Variants in VWA8 observed in about 807,000 individuals in gnomAD.
The protein encoded by VWA8 is von Willebrand factor A domain-containing protein 8.
VWA8 carries 221 observed loss-of-function variants against 241.5 expected under a neutral mutation model. The ratio of observed to expected loss-of-function variants is 0.91; its 90% CI spans 0.82 to 1.02. The LOEUF (loss-of-function observed/expected upper bound fraction) is 1.02. Ranked by LOEUF, VWA8 falls within the 50% of genes least tolerant of loss-of-function variation. The probability of loss-of-function intolerance (pLI) is 0.00; values close to 1 mark genes in which losing one functional copy is unlikely to be tolerated. For missense variants in VWA8, 2,322 were observed against 2,328.7 expected (o/e 1.00, Z 0.06); for synonymous variants, 852 against 827.1 (o/e 1.03, Z -0.52).
intron 37 of VWA8, among the ~76,000 whole-genome samples, chr13:41,616,655 A>C (rs1028661545): frequency 1.3e-5 from 2 of 152,220 alleles, no homozygotes; most frequent in Non-Finnish European, 1.5e-5. Flanking sequence ...GTTGATGAAA[A>C]TGTTTATATT....
chr13:41,575,711 A>G (rs745381379), intron 43 of VWA8, 29 bp downstream of exon 43: 75 of 1,530,094 alleles, frequency 4.9e-5, no homozygotes, highest in Non-Finnish European at 6.4e-5. Flanking sequence ...AGAAGCTTTC[A>G]TAATACAGAG....
At chr13:41,853,521 TG>T (rs1325848271) in intron 12 of VWA8, among the ~76,000 whole-genome samples, 1 of 152,192 alleles carries the variant, frequency 6.6e-6, no homozygotes, top group East Asian at 1.9e-4. Flanking sequence ...TTTTCTCTGG[TG>T]GCAGGTTTTT....
chr13:41,945,155 C>T (rs1877793289), intron 2 of VWA8, among the ~76,000 whole-genome samples: 2 of 152,072 alleles, frequency 1.3e-5, no homozygotes, highest in African/African-American at 4.8e-5. Context: ...AGACTCTCAG[C>T]AAAAGCCAAG....
intron 4 of VWA8, among the ~76,000 whole-genome samples, chr13:41,899,472 TTAAA>T: frequency 6.6e-6 from 1 of 152,220 alleles, no homozygotes; most frequent in South Asian, 2.1e-4. Context: ...AAACTAAACT[TTAAA>T]AATATAAATA....
At chr13:41,924,182 C>T (rs1212664524) in intron 2 of VWA8, among the ~76,000 whole-genome samples, 2 of 151,806 alleles carry the variant, frequency 1.3e-5, no homozygotes, top group East Asian at 3.9e-4. Context: ...AATTTATAAC[C>T]TCAGAGATTC....
intron 9 of VWA8, among the ~76,000 whole-genome samples, chr13:41,881,576 G>T (rs1304521775): frequency 6.7e-6 from 1 of 149,806 alleles, no homozygotes; most frequent in East Asian, 2.0e-4. Context: ...ATGAGCTGTT[G>T]GGTACACCTC....
chr13:41,681,082 C>A (rs926806055), intron 35 of VWA8, among the ~76,000 whole-genome samples: 6 of 152,214 alleles, frequency 3.9e-5, no homozygotes, highest in Admixed American at 6.5e-5. Context: ...CCCTTGATAT[C>A]TGATTGGGTT....
At chr13:41,700,584 CTCTT>C (rs2045243059) in intron 28 of VWA8, among the ~76,000 whole-genome samples, 1 of 152,164 alleles carries the variant, frequency 6.6e-6, no homozygotes, top group Non-Finnish European at 1.5e-5. Flanking sequence ...ACTTAATAAA[CTCTT>C]TAACTGTTTT....
chr13:41,717,963 C>G (rs984163903), intron 26 of VWA8, among the ~76,000 whole-genome samples: 4 of 151,954 alleles, frequency 2.6e-5, no homozygotes, highest in African/African-American at 9.7e-5. Flanking sequence ...AATTAACTTG[C>G]CATAGCAATA....
intron 27 of VWA8, among the ~76,000 whole-genome samples, chr13:41,701,985 T>C (rs2045253264): frequency 6.6e-6 from 1 of 152,214 alleles, no homozygotes; most frequent in Non-Finnish European, 1.5e-5. Context: ...GTATTTTAAA[T>C]TAAATGCAAA....
chr13:41,837,035 T>TGATAGATAGATAGATA (rs67765155), intron 12 of VWA8, among the ~76,000 whole-genome samples: 177 of 148,692 alleles, frequency 1.2e-3, no homozygotes, highest in Admixed American at 2.0e-3. Context: ...TGCAGATAGA[T>TGATAGATAGATAGATA]GATAGATAGA....
chr13:41,660,025 T>A (rs2044938030), intron 37 of VWA8, among the ~76,000 whole-genome samples: 1 of 152,250 alleles, frequency 6.6e-6, no homozygotes, highest in Non-Finnish European at 1.5e-5. Flanking sequence ...TAAAAAATGA[T>A]ATTGATATAG....
intron 29 of VWA8, among the ~76,000 whole-genome samples, chr13:41,697,291 C>A (rs1022836333): frequency 2.6e-5 from 4 of 152,170 alleles, no homozygotes; most frequent in Non-Finnish European, 4.4e-5. Flanking sequence ...AACTAGTTTC[C>A]CTCATTGTGC....
At chr13:41,571,897 A>G (rs2044308077) in intron 43 of VWA8, among the ~76,000 whole-genome samples, 1 of 151,064 alleles carries the variant, frequency 6.6e-6, no homozygotes, top group African/African-American at 2.4e-5. Context: ...CTGTCTAGGA[A>G]GTGAGGAGTG....
intron 42 of VWA8, among the ~76,000 whole-genome samples, chr13:41,578,399 C>T (rs1166718844): frequency 3.9e-5 from 6 of 152,060 alleles, no homozygotes; most frequent in African/African-American, 1.4e-4. Flanking sequence ...AAATGTGGAC[C>T]ATTCCCTGGC....
chr13:41,864,583 G>T (rs1873201031), intron 12 of VWA8: 1 of 438,730 alleles, frequency 2.3e-6, no homozygotes, highest in African/African-American at 2.0e-5. Flanking sequence ...AGACAAGAAG[G>T]ACAAAAATTA....
Position 41,719,661 on chromosome 13 carries a change from A to G in VWA8, c.3046T>C (p.Leu1016=), listed in dbSNP as rs773436030. ...CCGTATTTGTGTAAAGTGTTAATCAATATCTCCCTCATGTCATTGTTGTAG... is the reference window on the plus strand; with the variant it reads ...CCGTATTTGTGTAAAGTGTTAATCAGTATCTCCCTCATGTCATTGTTGTAG... ...DSYNNDMREI[L]INTLHKYGIP... Residue 1016 remains leucine, a synonymous_variant, in exon 26 of 45, where the codon TTG becomes CTG. Coordinates refer to ENST00000379310, the MANE Select transcript of VWA8 (RefSeq NM_015058.2). The G allele has an allele frequency of 5.6e-6, 9 of 1,613,186 alleles. No individual in the cohort carries two copies. The highest frequency in any genetic ancestry group is 6.8e-6 in the Non-Finnish European group (8 of 1,179,504).
chr13:41,669,683 T>C (rs919428464), intron 37 of VWA8, among the ~76,000 whole-genome samples: 2 of 152,138 alleles, frequency 1.3e-5, no homozygotes, highest in Non-Finnish European at 2.9e-5. Flanking sequence ...ATATAAAATA[T>C]AGAAATTCAA....
intron 2 of VWA8, chr13:41,925,840 A>G (rs1427956203): frequency 2.0e-5 from 6 of 306,762 alleles, no homozygotes; most frequent in Non-Finnish European, 4.0e-5. Context: ...ATCCATAGTC[A>G]GGCAGTTTAT....
Sources: allele counts gnomAD v4.1 joint callset (sites outside exome capture counted in the v4.1 genomes callset), GRCh38; gene constraint gnomAD v4.1.1; transcripts MANE v1.5; gene names NCBI Gene and HGNC (gene_info 2026-07-23, HGNC 2026-07-21).